Variants in GPR160 observed in about 807,000 individuals in gnomAD.
GPR160 encodes probable G protein-coupled receptor 160.
In GPR160, 2 loss-of-function variants were observed where a neutral mutation model predicts 2.6. The observed-to-expected ratio is 0.77, with a 90% CI of 0.32 to 2.44. The LOEUF (loss-of-function observed/expected upper bound fraction) is 2.44, where lower values mean the gene tolerates loss of function less well. GPR160 is among the 30% of genes most tolerant of loss of function. The pLI, the probability that GPR160 is intolerant of heterozygous loss-of-function variation, is 0.11. For missense variants in GPR160, 351 were observed against 383.6 expected (o/e 0.91, Z 0.71); for synonymous variants, 130 against 132.2 (o/e 0.98, Z 0.12).
chr3:170,064,666 A>T (rs750437734), intron 2 of GPR160, among the ~76,000 whole-genome samples: 7 of 151,576 alleles, frequency 4.6e-5, no homozygotes, highest in South Asian at 2.1e-4. Context: ...CTACAGGCAC[A>T]TGCCACCGCG....
chr3:170,055,288 G>T (rs1711579589), intron 2 of GPR160, among the ~76,000 whole-genome samples: 1 of 152,154 alleles, frequency 6.6e-6, no homozygotes, highest in Non-Finnish European at 1.5e-5. Flanking sequence ...CGGCTGATTG[G>T]GTCCTGACAT....
At position 170,084,989 on chromosome 3, in the gene GPR160, ATAT is replaced by A. The variant is rs760162382; in HGVS notation, c.*6_*8del. 12 of 1,370,088 alleles carry A rather than the reference ATAT, an allele frequency of 8.8e-6. No homozygotes were observed. Among genetic ancestry groups the A allele is most frequent in the South Asian group, 2.9e-5 (2 of 70,128 alleles). 84.9% of individuals were successfully genotyped at this position (1,370,088 alleles called of 1,614,324 possible). A position where few individuals can be genotyped will look rare whatever the true frequency, so the allele number is the denominator to read the frequency against. On this transcript the variant is annotated 3_prime_UTR_variant, in exon 4 of 4. Coordinates refer to ENST00000355897, the MANE Select transcript of GPR160 (RefSeq NM_014373.3). ...AGCCTATATCAATAATGATTTGTTA[ATAT>A]TATTAATTAAAAGTTACAGCTGTCA...
intron 2 of GPR160, among the ~76,000 whole-genome samples, chr3:170,039,882 C>G (rs1422802875): frequency 6.6e-6 from 1 of 152,078 alleles, no homozygotes; most frequent in Non-Finnish European, 1.5e-5. Flanking sequence ...TTGGGATTTG[C>G]TTCAGAATTA....
intron 2 of GPR160, among the ~76,000 whole-genome samples, chr3:170,063,552 C>CAAAAAAAAAAAAAAAAAAAA (rs528295183): frequency 3.8e-5 from 3 of 78,936 alleles, no homozygotes; most frequent in Non-Finnish European, 6.6e-5. Context: ...ACAAAAAAAG[C>CAAAAAAAAAAAAAAAAAAAA]AAAAAAAAAA....
intron 2 of GPR160, among the ~76,000 whole-genome samples, chr3:170,055,205 G>A (rs1490819744): frequency 6.6e-6 from 1 of 152,218 alleles, no homozygotes; most frequent in Non-Finnish European, 1.5e-5. Flanking sequence ...AACAAAACAG[G>A]TAGAATGGTA....
In GPR160 at chr3:170,084,966, C is replaced by G. The variant is rs776765849; in HGVS notation, c.994C>G (p.Pro332Ala). 28 of 1,537,134 alleles carry G rather than the reference C, an allele frequency of 1.8e-5. No individual in the cohort carries two copies. Among genetic ancestry groups the G allele is most frequent in the Non-Finnish European group, 2.5e-5 (28 of 1,138,062 alleles). Residue 332 changes from proline (P) to alanine (A), a missense_variant, in exon 4 of 4, where the codon CCT (proline) becomes GCT (alanine). Coordinates refer to ENST00000355897, the MANE Select transcript of GPR160 (RefSeq NM_014373.3). ...TIPNLEQIEKPISIMIC is the reference protein window; with the variant it reads ...TIPNLEQIEKAISIMIC The stretch of plus-strand genomic sequence containing the variant: ...TCCTAATCTTGAGCAAATTGAAAAG[C>G]CTATATCAATAATGATTTGTTAATA...
intron 2 of GPR160, among the ~76,000 whole-genome samples, chr3:170,039,540 T>C (rs1716356776): frequency 6.6e-6 from 1 of 152,174 alleles, no homozygotes; most frequent in Non-Finnish European, 1.5e-5. Flanking sequence ...GAAACCCTTC[T>C]CTACTAAAAA....
intron 2 of GPR160, among the ~76,000 whole-genome samples, chr3:170,063,552 CAAAA>C (rs528295183): frequency 0.32 from 25,494 of 79,022 alleles, 3,684 homozygotes; most frequent in East Asian, 0.57. Flanking sequence ...ACAAAAAAAG[CAAAA>C]AAAAAAAAAA....
chr3:170,064,516 T>TTC (rs1553768391), intron 2 of GPR160, among the ~76,000 whole-genome samples: 17 of 118,376 alleles, frequency 1.4e-4, no homozygotes, highest in Non-Finnish European at 9.9e-5. Flanking sequence ...TTTCTTTTCT[T>TTC]TTTTTTTTTT....
At chr3:170,082,826 C>G (rs1198604081) in intron 3 of GPR160, among the ~76,000 whole-genome samples, 1 of 151,636 alleles carries the variant, frequency 6.6e-6, no homozygotes, top group East Asian at 1.9e-4. Flanking sequence ...AACTCCTGGG[C>G]TCAAGCCATC....
At chr3:170,050,006 G>A (rs1421042435) in intron 2 of GPR160, 1 of 151,980 alleles carries the variant, frequency 6.6e-6, no homozygotes, top group African/African-American at 2.4e-5. Context: ...CTCACCAGCA[G>A]ACCAGGAACC....
chr3:170,085,112 G>T lies in GPR160; in HGVS notation c.*123G>T. The T allele has an allele frequency of 2.1e-6, 1 of 484,020 alleles. No homozygotes were observed. The highest frequency in any genetic ancestry group is 5.0e-5 in the South Asian group (1 of 20,042). The allele number at this position is 484,020 out of a possible 1,614,324, so 30.0% of individuals were successfully genotyped here. A position where few individuals can be genotyped will look rare whatever the true frequency, so the allele number is the denominator to read the frequency against. ...TTGCCCCCTGACTGATAGCATTTCA[G>T]AATGTGTCTTTTGAAGGGCTATGAT... On this transcript the variant is annotated 3_prime_UTR_variant, in exon 4 of 4. Coordinates refer to ENST00000355897, the MANE Select transcript of GPR160 (RefSeq NM_014373.3).
chr3:170,040,928 T>A (rs1490376102), intron 2 of GPR160, among the ~76,000 whole-genome samples: 4 of 152,216 alleles, frequency 2.6e-5, no homozygotes, highest in Admixed American at 2.6e-4. Context: ...ACATTTTTTT[T>A]AAGAATCATG....
chr3:170,042,136 T>TC (rs1372609757), intron 2 of GPR160, among the ~76,000 whole-genome samples: 2 of 152,184 alleles, frequency 1.3e-5, no homozygotes, highest in Non-Finnish European at 2.9e-5. Flanking sequence ...CCTCATCCCA[T>TC]CCTGTGAGGC....
Position 170,039,566 on chromosome 3 carries a change from G to A in GPR160, c.-193+523G>A, listed in dbSNP as rs565419522. 7.0e-4 allele frequency among the ~76,000 whole-genome samples: 107 copies of A among 152,272 alleles called. 1 individual carries two copies. The highest frequency in any genetic ancestry group is 3.5e-3 in the Admixed American group (54 of 15,294). On this transcript the variant is annotated intron_variant, in intron 2 of 3. Transcript: ENST00000355897. Reference sequence around the variant, plus strand: ...CTACTAAAAATACAAAAATTAGCTGGGTGTGGTGACACGCGCCTGTAATCC... The same window carrying A: ...CTACTAAAAATACAAAAATTAGCTGAGTGTGGTGACACGCGCCTGTAATCC...
At chr3:170,068,160 T>G (rs758938681) in intron 2 of GPR160, among the ~76,000 whole-genome samples, 2 of 152,218 alleles carry the variant, frequency 1.3e-5, no homozygotes, top group Non-Finnish European at 2.9e-5. Context: ...TTTATTTATT[T>G]TTTGAAACGG....
intron 2 of GPR160, among the ~76,000 whole-genome samples, chr3:170,043,260 C>T (rs1330940231): frequency 6.6e-6 from 1 of 152,150 alleles, no homozygotes; most frequent in Non-Finnish European, 1.5e-5. Flanking sequence ...CAGCTCACTG[C>T]AACCTCTGCC....
At chr3:170,079,132 C>T (rs971012991) in intron 2 of GPR160, among the ~76,000 whole-genome samples, 1 of 152,214 alleles carries the variant, frequency 6.6e-6, no homozygotes, top group Non-Finnish European at 1.5e-5. Context: ...GGCATTATGT[C>T]TGTACTGAAT....
chr3:170,048,287 G>C (rs1243107737), intron 2 of GPR160, among the ~76,000 whole-genome samples: 2 of 152,124 alleles, frequency 1.3e-5, no homozygotes, highest in African/African-American at 2.4e-5. Flanking sequence ...AAGGGGATGA[G>C]GGATGAAAAA....
Sources: gnomAD v4.1 joint callset for allele counts (sites outside exome capture counted in the v4.1 genomes callset) on GRCh38, gnomAD v4.1.1 for gene constraint, MANE v1.5 for transcripts, NCBI Gene and HGNC (gene_info 2026-07-23, HGNC 2026-07-21) for gene names.